The following FBXL17 variants were observed in gnomAD, a reference collection of about 807,000 sequenced individuals.
The protein encoded by FBXL17 is F-box and leucine rich repeat protein 17, also known as F-box/LRR-repeat protein 17.
Under a neutral mutation model 66.2 loss-of-function variants are expected in FBXL17, and 22 were observed. The observed-to-expected ratio is 0.33, with a 90% confidence interval of 0.24 to 0.47. The LOEUF (loss-of-function observed/expected upper bound fraction) is 0.47. FBXL17 is among the 20% of genes least tolerant of loss of function. The pLI is 1.00. For missense variants in FBXL17, 878 were observed against 948.2 expected, an observed-to-expected ratio of 0.93 and a Z score of 0.97; for synonymous variants, 474 against 400.5, an observed-to-expected ratio of 1.18 and a Z score of -2.19.
intron 7 of FBXL17, among the ~76,000 whole-genome samples, chr5:107,986,660 T>C (rs1436297720): frequency 6.6e-6 from 1 of 151,860 alleles, no homozygotes; most frequent in East Asian, 1.9e-4. Context: ...TTTTAAATTA[T>C]ATTTTATTCA....
Position 107,962,165 on chromosome 5 carries a change from A to C in FBXL17, c.1822+58760T>G, listed in dbSNP as rs146336252. 2.1e-3 allele frequency among the ~76,000 whole-genome samples: 317 copies of C among 152,300 alleles called. 2 individuals carry two copies. The highest frequency in any genetic ancestry group is 7.3e-3 in the African/African-American group (305 of 41,578). ...GTCTGGAGATAGTGGTGATGGTTGT[A>C]CAACACTGTGAATATACTCAATGCC... On this transcript the variant is annotated intron_variant, in intron 7 of 8. Transcript: ENST00000542267.
In FBXL17 at chr5:108,346,185, G is replaced by A. The variant is rs570031076; in HGVS notation, c.1506+2214C>T. Among the ~76,000 whole-genome samples the A allele has an allele frequency of 2.6e-5, 4 of 152,152 alleles. No homozygotes were observed. In the South Asian group the frequency reaches 8.3e-4, roughly 32 times the overall value. ...AATACAAACTTCCTATAGGAGGTTAGTTATCAATATCTCAATTATCCAATA... is the reference window on the plus strand; with the variant it reads ...AATACAAACTTCCTATAGGAGGTTAATTATCAATATCTCAATTATCCAATA... On this transcript the variant is annotated intron_variant, in intron 4 of 8. Coordinates refer to ENST00000542267, the MANE Select transcript of FBXL17 (RefSeq NM_001163315.3).
chr5:108,029,659 T>C (rs1459835668), intron 6 of FBXL17, among the ~76,000 whole-genome samples: 1 of 152,080 alleles, frequency 6.6e-6, no homozygotes, highest in African/African-American at 2.4e-5. Flanking sequence ...TATAGAAATA[T>C]GTGGACTATA....
At position 107,980,664 on chromosome 5, in the gene FBXL17, A is replaced by AT. The variant is rs57472813; in HGVS notation, c.1822+40260dup. 8.7e-4 allele frequency among the ~76,000 whole-genome samples: 54 copies of AT among 62,066 alleles called. 8 individuals carry two copies. The highest frequency in any genetic ancestry group is 1.2e-3 in the Admixed American group (7 of 5,742). The allele number at this position is 62,066 out of a possible 152,430, so 40.7% of individuals were successfully genotyped here. A position where few individuals can be genotyped will look rare whatever the true frequency, so the allele number is the denominator to read the frequency against. ...TAAAATAATATATATATATATATAT[A>AT]TTTTTTTTTTGAGATGGAGTCTTGC... On this transcript the variant is annotated intron_variant, in intron 7 of 8. Coordinates refer to ENST00000542267, the MANE Select transcript of FBXL17 (RefSeq NM_001163315.3).
chr5:108,377,408 G>C (rs1443293176), intron 1 of FBXL17, among the ~76,000 whole-genome samples: 1 of 152,146 alleles, frequency 6.6e-6, no homozygotes, highest in East Asian at 1.9e-4. Context: ...CCCCTACCAA[G>C]TTCAGTACAT....
chr5:108,370,744 G>GA (rs748946248), intron 1 of FBXL17, among the ~76,000 whole-genome samples: 242 of 135,158 alleles, frequency 1.8e-3, no homozygotes, highest in African/African-American at 2.5e-3. Context: ...CTCCTTCTCG[G>GA]AAAAAAAAAA....
intron 6 of FBXL17, among the ~76,000 whole-genome samples, chr5:108,163,494 G>A (rs994613023): frequency 1.4e-5 from 2 of 145,112 alleles, no homozygotes; most frequent in Non-Finnish European, 3.0e-5. Context: ...TCCGCCTCCC[G>A]GGTTCACACC....
chr5:108,238,606 G>C (rs1376066680), intron 4 of FBXL17, among the ~76,000 whole-genome samples: 1 of 152,026 alleles, frequency 6.6e-6, no homozygotes, highest in South Asian at 2.1e-4. Flanking sequence ...CACTTCCCAG[G>C]CTCCGGTAAT....
At position 108,082,047 on chromosome 5, in the gene FBXL17, G is replaced by A. The variant is rs1423623681; in HGVS notation, c.1746-61046C>T. ...ACGAGGGCAGAAGCCTAGTAGTTGA[G>A]AAAACATGGAACCAAGAAGTGCACA... On this transcript the variant is annotated intron_variant, in intron 6 of 8. Transcript: ENST00000542267. Among the ~76,000 whole-genome samples the A allele has an allele frequency of 1.2e-4, 19 of 152,118 alleles. 1 individual carries two copies. Among genetic ancestry groups the A allele is most frequent in the Admixed American group, 1.2e-3 (19 of 15,270 alleles).
intron 4 of FBXL17, among the ~76,000 whole-genome samples, chr5:108,247,767 A>C (rs1756169712): frequency 6.6e-6 from 1 of 152,156 alleles, no homozygotes; most frequent in African/African-American, 2.4e-5. Flanking sequence ...TTAGTGGTTT[A>C]CATCATTCAT....
At chr5:108,265,173 T>G (rs1474724317) in intron 4 of FBXL17, among the ~76,000 whole-genome samples, 1 of 152,242 alleles carries the variant, frequency 6.6e-6, no homozygotes, top group East Asian at 1.9e-4. Flanking sequence ...TTAGTTGCTT[T>G]GATTATATGA....
intron 5 of FBXL17, among the ~76,000 whole-genome samples, chr5:108,186,606 C>T (rs1753245190): frequency 6.6e-6 from 1 of 151,750 alleles, no homozygotes; most frequent in Non-Finnish European, 1.5e-5. Flanking sequence ...CCCATCTCTA[C>T]TAAAATACAA....
intron 6 of FBXL17, among the ~76,000 whole-genome samples, chr5:108,120,449 G>C (rs1168716967): frequency 6.6e-6 from 1 of 152,124 alleles, no homozygotes; most frequent in Non-Finnish European, 1.5e-5. Flanking sequence ...ATGTGTACTT[G>C]GATGCTATCA....
At chr5:108,148,850 G>GA (rs1408899354) in intron 6 of FBXL17, among the ~76,000 whole-genome samples, 1 of 152,026 alleles carries the variant, frequency 6.6e-6, no homozygotes, top group Non-Finnish European at 1.5e-5. Flanking sequence ...ACAGGTTCTG[G>GA]AAAAAACAAA....
chr5:107,982,562 G>A (rs1752869320), intron 7 of FBXL17, among the ~76,000 whole-genome samples: 1 of 152,140 alleles, frequency 6.6e-6, no homozygotes, highest in Non-Finnish European at 1.5e-5. Context: ...GCAACCATTT[G>A]CTAAAGGTGC....
Position 108,209,859 on chromosome 5 carries a change from T to C in FBXL17, c.1614+14262A>G, listed in dbSNP as rs1034078847. On this transcript the variant is annotated intron_variant, in intron 5 of 8. Transcript: ENST00000542267. ...TAAGGAGGATTCCCTCTTTTTCTAT[T>C]GTTTGGAATAGTTTCAGAGGAAATG... is the stretch of plus-strand genomic sequence containing the variant. Among the ~76,000 whole-genome samples the C allele has an allele frequency of 5.3e-5, 8 of 152,212 alleles. No individual in the cohort carries two copies. The South Asian group carries it at 1.7e-3, about 32-fold the overall frequency.
chr5:107,948,784 T>C (rs985069826), intron 7 of FBXL17, among the ~76,000 whole-genome samples: 2 of 152,244 alleles, frequency 1.3e-5, no homozygotes, highest in Non-Finnish European at 2.9e-5. Context: ...ATAAATTTCA[T>C]GCTATAAAAT....
At chr5:108,375,685 C>T (rs1354984849) in intron 1 of FBXL17, among the ~76,000 whole-genome samples, 1 of 152,028 alleles carries the variant, frequency 6.6e-6, no homozygotes, top group Non-Finnish European at 1.5e-5. Flanking sequence ...ATGGCCTCAC[C>T]AGTAATATGC....
At chr5:108,093,931 C>T (rs1749277575) in intron 6 of FBXL17, among the ~76,000 whole-genome samples, 1 of 152,122 alleles carries the variant, frequency 6.6e-6, no homozygotes, top group Non-Finnish European at 1.5e-5. Flanking sequence ...GGAGCTTGAA[C>T]ACATCTGCAT....
Sources: gnomAD v4.1 joint callset for allele counts (sites outside exome capture counted in the v4.1 genomes callset) on GRCh38, gnomAD v4.1.1 for gene constraint, MANE v1.5 for transcripts, NCBI Gene and HGNC (gene_info 2026-07-23, HGNC 2026-07-21) for gene names.